ARHGAP10: variants seen among roughly 807,000 people sequenced by gnomAD.
The protein encoded by ARHGAP10 is rho GTPase-activating protein 10.
A neutral mutation model predicts 108.6 loss-of-function variants in ARHGAP10; 87 were observed. That is an observed-to-expected ratio of 0.80 (90% CI 0.67 to 0.96). The LOEUF is 0.96. Among genes scored for constraint, ARHGAP10 ranks in the 40% least tolerant of loss-of-function variants. The pLI is 0.00. For synonymous variants in ARHGAP10, 347 were observed against 341.1 expected (o/e 1.02, Z -0.19); for missense variants, 939 against 954.5 (o/e 0.98, Z 0.21).
chr4:147,953,698 A>G (rs76677444), intron 15 of ARHGAP10, among the ~76,000 whole-genome samples: 4 of 151,878 alleles, frequency 2.6e-5, no homozygotes, highest in Admixed American at 2.6e-4. Flanking sequence ...ATCTTAAAAG[A>G]TATGGTTTTG....
chr4:148,061,176 CATAAGT>C (rs1485692252), intron 20 of ARHGAP10, among the ~76,000 whole-genome samples: 1 of 151,818 alleles, frequency 6.6e-6, no homozygotes, highest in Non-Finnish European at 1.5e-5. Context: ...TCAAGGGCCA[CATAAGT>C]GTAGTCACAT....
chr4:147,776,015 G>A (rs561577243), intron 1 of ARHGAP10, among the ~76,000 whole-genome samples: 18 of 152,222 alleles, frequency 1.2e-4, no homozygotes, highest in Admixed American at 1.1e-3. Context: ...TCCAGGCTCC[G>A]AAAAGTTAGC....
At chr4:147,760,903 A>G (rs1729561700) in intron 1 of ARHGAP10, among the ~76,000 whole-genome samples, 1 of 152,140 alleles carries the variant, frequency 6.6e-6, no homozygotes, top group African/African-American at 2.4e-5. Context: ...ACTTGGGCAA[A>G]CTATGTGTAT....
At chr4:147,999,493 T>G (rs1343209788) in intron 18 of ARHGAP10, among the ~76,000 whole-genome samples, 2 of 152,230 alleles carry the variant, frequency 1.3e-5, no homozygotes, top group Admixed American at 6.5e-5. Context: ...TCCCTCCGGA[T>G]CCGGCAGGGT....
At chr4:147,737,212 G>A (rs150248150) in intron 1 of ARHGAP10, among the ~76,000 whole-genome samples, 2 of 152,266 alleles carry the variant, frequency 1.3e-5, no homozygotes, top group East Asian at 3.9e-4. Context: ...ATGCAGTGGT[G>A]CAATCTTGGC....
At chr4:148,033,601 C>T (rs1374573766) in intron 19 of ARHGAP10, among the ~76,000 whole-genome samples, 2 of 152,090 alleles carry the variant, frequency 1.3e-5, no homozygotes, top group Non-Finnish European at 1.5e-5. Flanking sequence ...CATATAAATA[C>T]ACATATACAC....
At chr4:148,034,025 T>A (rs889979847) in intron 19 of ARHGAP10, among the ~76,000 whole-genome samples, 2 of 152,210 alleles carry the variant, frequency 1.3e-5, no homozygotes, top group African/African-American at 2.4e-5. Context: ...TGATGTTGTT[T>A]ATGATCTCAG....
chr4:147,806,950 G>T (rs987594941), intron 1 of ARHGAP10, among the ~76,000 whole-genome samples: 38 of 152,160 alleles, frequency 2.5e-4, no homozygotes, highest in African/African-American at 8.9e-4. Context: ...TAGATCCATT[G>T]GTTTTCCAAG....
intron 1 of ARHGAP10, among the ~76,000 whole-genome samples, chr4:147,815,858 A>G (rs76953078): frequency 0.068 from 10,425 of 152,200 alleles, 692 homozygotes; most frequent in African/African-American, 0.17. Context: ...AGAGTGAGAC[A>G]GTCCTGCTGA....
At chr4:147,738,730 G>A (rs144981612) in intron 1 of ARHGAP10, among the ~76,000 whole-genome samples, 1 of 152,192 alleles carries the variant, frequency 6.6e-6, no homozygotes, top group African/African-American at 2.4e-5. Flanking sequence ...TAGCTGTTCT[G>A]CACCCTAGAC....
At chr4:148,064,630 G>T in intron 22 of ARHGAP10, 123 bp downstream of exon 22, 1 of 797,452 alleles carries the variant, frequency 1.3e-6, no homozygotes, top group Non-Finnish European at 2.0e-6. Flanking sequence ...TTGATGCTTT[G>T]GACTGGATTA....
At chr4:147,896,430 G>A (rs1375849099) in intron 10 of ARHGAP10, among the ~76,000 whole-genome samples, 1 of 151,948 alleles carries the variant, frequency 6.6e-6, no homozygotes, top group Non-Finnish European at 1.5e-5. Context: ...GATAAATTGT[G>A]GTTTTCAAGG....
At chr4:147,885,340 C>T (rs1735502009) in intron 10 of ARHGAP10, among the ~76,000 whole-genome samples, 1 of 152,186 alleles carries the variant, frequency 6.6e-6, no homozygotes, top group Non-Finnish European at 1.5e-5. Context: ...GCACATCTTA[C>T]ATGGCAGCAG....
intron 19 of ARHGAP10, among the ~76,000 whole-genome samples, chr4:148,028,497 A>G (rs1727982858): frequency 6.6e-6 from 1 of 152,204 alleles, no homozygotes; most frequent in Non-Finnish European, 1.5e-5. Flanking sequence ...GAGAAGGTTC[A>G]GTTGTTAATG....
chr4:147,960,876 T>C (rs1005927881), intron 16 of ARHGAP10, among the ~76,000 whole-genome samples: 1 of 152,252 alleles, frequency 6.6e-6, no homozygotes, highest in South Asian at 2.1e-4. Flanking sequence ...GTGAGATTCA[T>C]CTCTGTTGTA....
Position 147,932,229 on chromosome 4 carries a change from A to G in ARHGAP10, c.1229-7596A>G, listed in dbSNP as rs1578703872. 2.6e-5 allele frequency among the ~76,000 whole-genome samples: 4 copies of G among 152,164 alleles called. No individual in the cohort carries two copies. In the South Asian group the frequency reaches 8.3e-4, roughly 32 times the overall value. Reference sequence around the variant, plus strand: ...GGTGGGAGTGTGAATTAGTTCAGCCATTGTGGAAGACAGTGGCGATTCCTT... The same window carrying G: ...GGTGGGAGTGTGAATTAGTTCAGCCGTTGTGGAAGACAGTGGCGATTCCTT... On this transcript the variant is annotated intron_variant, in intron 13 of 22. Coordinates refer to ENST00000336498, the MANE Select transcript of ARHGAP10 (RefSeq NM_024605.4).
intron 18 of ARHGAP10, among the ~76,000 whole-genome samples, chr4:147,999,198 T>C (rs1740596852): frequency 6.6e-6 from 1 of 152,038 alleles, no homozygotes. Flanking sequence ...TAAAGAGAGC[T>C]CACTAAAATG....
chr4:147,923,970 C>G (rs1245478512), intron 13 of ARHGAP10, among the ~76,000 whole-genome samples: 2 of 152,212 alleles, frequency 1.3e-5, no homozygotes, highest in Non-Finnish European at 2.9e-5. Context: ...AGCAAGTAAA[C>G]TAGAGTTTCT....
intron 1 of ARHGAP10, among the ~76,000 whole-genome samples, chr4:147,752,951 C>T (rs187014572): frequency 3.0e-4 from 46 of 152,164 alleles, no homozygotes; most frequent in Non-Finnish European, 5.9e-4. Context: ...TATTTTTATT[C>T]TCTTTGGTGA....
Sources: gnomAD v4.1 joint callset for allele counts (sites outside exome capture counted in the v4.1 genomes callset) on GRCh38, gnomAD v4.1.1 for gene constraint, MANE v1.5 for transcripts, NCBI Gene and HGNC (gene_info 2026-07-23, HGNC 2026-07-21) for gene names.